Variants in ADAMTS2 observed in about 807,000 individuals in gnomAD.
ADAMTS2 encodes the protein ADAM metallopeptidase with thrombospondin type 1 motif 2.
A neutral mutation model predicts 123.0 loss-of-function variants in ADAMTS2; 50 were observed. The observed-to-expected ratio is 0.41, with a 90% CI of 0.32 to 0.51. The LOEUF is 0.51. Ranked by LOEUF, ADAMTS2 falls within the 20% of genes least tolerant of loss-of-function variation. The pLI, the probability that ADAMTS2 is intolerant of heterozygous loss-of-function variation, is 0.35. For missense variants in ADAMTS2, 1,494 were observed against 1,705.2 expected (o/e 0.88, Z 2.18); for synonymous variants, 678 against 695.4 (o/e 0.98, Z 0.39).
chr5:179,199,510 G>A (rs568695126), intron 4 of ADAMTS2, among the ~76,000 whole-genome samples: 1 of 152,352 alleles, frequency 6.6e-6, no homozygotes, highest in South Asian at 2.1e-4. Flanking sequence ...CAGTGCACCA[G>A]TAGGAAGGGG....
chr5:179,201,080 A>C lies in ADAMTS2; in HGVS notation c.891+6433T>G, dbSNP rs1472861025. 3.9e-5 allele frequency among the ~76,000 whole-genome samples: 6 copies of C among 152,382 alleles called. No individual in the cohort carries two copies. In the South Asian group the frequency reaches 1.0e-3, roughly 26 times the overall value. ...AAAAACTTATCTCCGTTGTAATTAA[A>C]TTACCACTGCTCAAAAGGACTCAGT... On this transcript the variant is annotated intron_variant, in intron 4 of 21. Transcript: ENST00000251582.
At chr5:179,266,988 G>T (rs1468666218) in intron 3 of ADAMTS2, among the ~76,000 whole-genome samples, 1 of 152,202 alleles carries the variant, frequency 6.6e-6, no homozygotes, top group African/African-American at 2.4e-5. Context: ...CTCTTTGTGA[G>T]ACTGGAGGGC....
At chr5:179,166,037 AGACATGGGCTCCCAACTGG>A (rs1763689394) in intron 5 of ADAMTS2, among the ~76,000 whole-genome samples, 1 of 152,176 alleles carries the variant, frequency 6.6e-6, no homozygotes, top group South Asian at 2.1e-4. Context: ...CGACCACTGC[AGACATGGGCTCCCAACTGG>A]GCTCCACTGC....
Position 179,132,283 on chromosome 5 carries a change from G to T in ADAMTS2, c.2237C>A (p.Ala746Glu). ...CTGAATGAGCAGGTGTCTGGCTCCTGCAGGGATCTCAAACATCTTGATGTA... is the reference window on the plus strand; with the variant it reads ...CTGAATGAGCAGGTGTCTGGCTCCTTCAGGGATCTCAAACATCTTGATGTA... Reference protein sequence around the residue: ...HGYIKMFEIPAGARHLLIQEV... With the variant: ...HGYIKMFEIPEGARHLLIQEV... The change falls in exon 15 of 22, where the codon GCA (alanine) becomes GAA (glutamate). Residue 746 changes from alanine (A) to glutamate (E), a missense_variant. Ala to Glu is a moderately radical substitution (Grantham distance 107, BLOSUM62 -1). Around this residue, in one of 6 missense-constraint regions of ADAMTS2, gnomAD observed 953 missense variants for 1,124.7 expected, o/e 0.85. Coordinates refer to ENST00000251582, the MANE Select transcript of ADAMTS2 (RefSeq NM_014244.5). This position sits in a 1 kb window ranked among gnomAD's most constrained non-coding sequence, Gnocchi z 6.1. 6.2e-7 allele frequency: 1 copy of T among 1,614,202 alleles called. No individual in the cohort carries two copies. Among genetic ancestry groups the T allele is most frequent in the Non-Finnish European group, 8.5e-7 (1 of 1,180,034 alleles).
intron 10 of ADAMTS2, among the ~76,000 whole-genome samples, chr5:179,140,764 T>C (rs567458493): frequency 6.7e-6 from 1 of 149,250 alleles, no homozygotes; most frequent in African/African-American, 2.4e-5. Context: ...ATACATTGAC[T>C]GACAGAACTT....
chr5:179,191,640 G>T (rs556718873), intron 4 of ADAMTS2, among the ~76,000 whole-genome samples: 12 of 151,880 alleles, frequency 7.9e-5, no homozygotes, highest in South Asian at 2.1e-4. Flanking sequence ...CTGCCGGGGT[G>T]GGGGGCGGGC....
rs1224888076 is a variant in ADAMTS2, at chr5:179,175,640, A to C, written c.975+5432T>G. 6.6e-6 allele frequency among the ~76,000 whole-genome samples: 1 copy of C among 152,212 alleles called. No homozygotes were observed. The highest frequency in any genetic ancestry group is 1.9e-4 in the East Asian group (1 of 5,204). ...CTGATTTTTTAAACAATGGTCTGAT[A>C]TTTGGCCACATCACCAGACTCCTCT... On this transcript the variant is annotated intron_variant, in intron 5 of 21. Coordinates refer to ENST00000251582, the MANE Select transcript of ADAMTS2 (RefSeq NM_014244.5). The surrounding 1 kb of genome is among the most constrained non-coding windows in gnomAD (Gnocchi z 4.1).
intron 4 of ADAMTS2, among the ~76,000 whole-genome samples, chr5:179,182,563 C>T (rs1394469763): frequency 1.3e-5 from 2 of 152,076 alleles, no homozygotes; most frequent in African/African-American, 4.8e-5. Flanking sequence ...ACAAGGATCC[C>T]GAGGCCCGCT....
rs1304080740 is a variant in ADAMTS2, at chr5:179,299,320, G to A, written c.535-26256C>T. Among the ~76,000 whole-genome samples, 3 of 103,348 alleles carry A rather than the reference G, an allele frequency of 2.9e-5. 1 individual carries two copies. The highest frequency in any genetic ancestry group is 2.0e-5 in the Non-Finnish European group (1 of 50,650). 67.8% of individuals were successfully genotyped at this position (103,348 alleles called of 152,430 possible). A position where few individuals can be genotyped will look rare whatever the true frequency, so the allele number is the denominator to read the frequency against. ...TGAGGCGGGCGGATCACGAGGTCAG[G>A]AGATGGAGACCATCCTGGCTAACAC... On this transcript the variant is annotated intron_variant, in intron 2 of 21. Coordinates refer to ENST00000251582, the MANE Select transcript of ADAMTS2 (RefSeq NM_014244.5).
chr5:179,133,048 C>T (rs1762993308), intron 13 of ADAMTS2, 148 bp from the exon 14 acceptor site: 1 of 1,062,040 alleles, frequency 9.4e-7, no homozygotes, highest in Non-Finnish European at 1.4e-6. Context: ...CGTGAACCAC[C>T]TTGCCTGGCC....
chr5:179,242,359 C>T lies in ADAMTS2; in HGVS notation c.688+30552G>A, dbSNP rs557430199. ...ATACCTTGAATGACCCTGACATATCCAGTGTCTTCTACCTTCCTTATTGCT... is the reference window on the plus strand; with the variant it reads ...ATACCTTGAATGACCCTGACATATCTAGTGTCTTCTACCTTCCTTATTGCT... On this transcript the variant is annotated intron_variant, in intron 3 of 21. Transcript: ENST00000251582. The surrounding 1 kb of genome is among the most constrained non-coding windows in gnomAD (Gnocchi z 4.2). Among the ~76,000 whole-genome samples the T allele has an allele frequency of 5.3e-5, 8 of 152,232 alleles. No homozygotes were observed. In the South Asian group the frequency reaches 1.0e-3, roughly 20 times the overall value.
In ADAMTS2 at chr5:179,202,313, G is replaced by A. The variant is rs1374648490; in HGVS notation, c.891+5200C>T. 2.6e-5 allele frequency among the ~76,000 whole-genome samples: 4 copies of A among 152,054 alleles called. No individual in the cohort carries two copies. The highest frequency in any genetic ancestry group is 9.7e-5 in the African/African-American group (4 of 41,400). ...CCCCTCCCCCAAACCTGGAACAGGC[G>A]ATCCCTATCCTACCTCTTCCCACAT... On this transcript the variant is annotated intron_variant, in intron 4 of 21. Transcript: ENST00000251582. The surrounding 1 kb of genome is among the most constrained non-coding windows in gnomAD (Gnocchi z 4.0).
At chr5:179,298,654 C>T (rs545696255) in intron 2 of ADAMTS2, among the ~76,000 whole-genome samples, 227 of 152,098 alleles carry the variant, frequency 1.5e-3, no homozygotes, top group Non-Finnish European at 2.6e-3. Flanking sequence ...ACGGGCTCTA[C>T]GGAACTGGGA....
At chr5:179,263,002 G>A (rs963745083) in intron 3 of ADAMTS2, among the ~76,000 whole-genome samples, 2 of 143,714 alleles carry the variant, frequency 1.4e-5, no homozygotes, top group Non-Finnish European at 3.0e-5. Context: ...CCCATGATTT[G>A]GGGAGCAGTA....
chr5:179,184,196 G>A (rs1561793632), intron 4 of ADAMTS2, among the ~76,000 whole-genome samples: 1 of 152,106 alleles, frequency 6.6e-6, no homozygotes, highest in East Asian at 1.9e-4. Context: ...CCCGAGATGA[G>A]GGCAGCACCA....
intron 3 of ADAMTS2, among the ~76,000 whole-genome samples, chr5:179,265,733 G>A (rs1766351471): frequency 6.6e-6 from 1 of 152,228 alleles, no homozygotes; most frequent in Admixed American, 6.5e-5. Flanking sequence ...TCACCGCGCT[G>A]GCATCTCCAA....
rs138447869 is a variant in ADAMTS2 at position 179,169,245 on chromosome 5, C to T, written c.976-10366G>A. Among the ~76,000 whole-genome samples, 11 of 152,336 alleles carry T rather than the reference C, an allele frequency of 7.2e-5. No homozygotes were observed. The East Asian group carries it at 1.3e-3, about 19-fold the overall frequency. On this transcript the variant is annotated intron_variant, in intron 5 of 21. Coordinates refer to ENST00000251582, the MANE Select transcript of ADAMTS2 (RefSeq NM_014244.5). ...TGAGGGAGCCTGTTCACCCTTCCAT[C>T]ATGCGAGGGCACAGCTAGAAGGTGC...
intron 7 of ADAMTS2, among the ~76,000 whole-genome samples, chr5:179,154,587 A>G (rs915759525): frequency 2.6e-5 from 4 of 152,226 alleles, no homozygotes; most frequent in Non-Finnish European, 4.4e-5. Flanking sequence ...TAGCTGGCCC[A>G]GAGCGCCTGC....
intron 10 of ADAMTS2, among the ~76,000 whole-genome samples, chr5:179,141,070 C>T (rs1483699904): frequency 6.6e-6 from 1 of 151,946 alleles, no homozygotes; most frequent in Non-Finnish European, 1.5e-5. Context: ...CTGCCTCAGC[C>T]TTCCAAAGTG....
Sources: gnomAD v4.1 joint callset for allele counts (sites outside exome capture counted in the v4.1 genomes callset) on GRCh38, gnomAD v4.1.1 for gene constraint, gnomAD v4.1.1 regional missense constraint, Gnocchi (gnomAD v3.1) non-coding constraint, MANE v1.5 for transcripts, NCBI Gene and HGNC (gene_info 2026-07-23, HGNC 2026-07-21) for gene names.